The following GDA variants were observed in gnomAD, a reference collection of about 807,000 sequenced individuals.
GDA encodes the protein guanine deaminase, also known as cytoplasmic PSD-95 interactor.
GDA carries 18 observed loss-of-function variants against 59.6 expected under a neutral mutation model. That is an observed-to-expected ratio of 0.30 (90% CI 0.21 to 0.45). The LOEUF (loss-of-function observed/expected upper bound fraction) is 0.45. GDA is among the 20% of genes least tolerant of loss of function. The pLI is 1.00. For synonymous variants in GDA, 201 were observed against 201.1 expected (o/e 1.00, Z 0.00); for missense variants, 427 against 552.3 (o/e 0.77, Z 2.27).
At chr9:72,166,499 A>G (rs910953909) in intron 1 of GDA, among the ~76,000 whole-genome samples, 4 of 152,194 alleles carry the variant, frequency 2.6e-5, no homozygotes, top group African/African-American at 7.2e-5. Context: ...AACGTATTCT[A>G]CATTTCAAAG....
chr9:72,163,475 G>A (rs1828905255), intron 1 of GDA, among the ~76,000 whole-genome samples: 2 of 151,796 alleles, frequency 1.3e-5, no homozygotes, highest in African/African-American at 4.8e-5. Context: ...ATTGGTAAGT[G>A]ACAGTAACAG....
intron 1 of GDA, among the ~76,000 whole-genome samples, chr9:72,127,466 G>A: frequency 6.6e-6 from 1 of 151,888 alleles, no homozygotes; most frequent in East Asian, 1.9e-4. Context: ...GTGAAACCCT[G>A]TCTCTACTAA....
intron 1 of GDA, among the ~76,000 whole-genome samples, chr9:72,164,460 A>C (rs1829039064): frequency 6.6e-6 from 1 of 152,182 alleles, no homozygotes; most frequent in African/African-American, 2.4e-5. Context: ...AGAGGGTGGC[A>C]ATCAGCTTGG....
At chr9:72,242,408 T>G (rs1181436830) in intron 11 of GDA, among the ~76,000 whole-genome samples, 1 of 152,182 alleles carries the variant, frequency 6.6e-6, no homozygotes, top group African/African-American at 2.4e-5. Flanking sequence ...TTAAGTCACT[T>G]TAGAATTATA....
chr9:72,128,751 A>C (rs1308704238), intron 1 of GDA, among the ~76,000 whole-genome samples: 16 of 152,214 alleles, frequency 1.1e-4, no homozygotes, highest in Non-Finnish European at 7.3e-5. Flanking sequence ...GCAGGGCTTG[A>C]GCCTGATTCA....
In GDA at chr9:72,121,719, A is replaced by G. The variant is rs529804734; in HGVS notation, c.-100+6886A>G. ...CCTCATCATAGACAAACTTCCTGAA[A>G]GACTTGTATACACTTGCTATCTCCA... On this transcript the variant is annotated intron_variant, in intron 1 of 13. Coordinates refer to the GDA transcript ENST00000545168. Among the ~76,000 whole-genome samples the G allele has an allele frequency of 4.6e-5, 7 of 152,318 alleles. No individual in the cohort carries two copies. In the South Asian group the frequency reaches 8.3e-4, roughly 18 times the overall value.
chr9:72,150,871 C>G (rs1173644599), intron 1 of GDA, among the ~76,000 whole-genome samples: 2 of 152,072 alleles, frequency 1.3e-5, no homozygotes, highest in East Asian at 3.9e-4. Flanking sequence ...TCCGGTAAAC[C>G]CTGAGACTGA....
At chr9:72,144,921 T>G (rs1826571878), upstream of GDA, among the ~76,000 whole-genome samples, 1 of 151,750 alleles carries the variant, frequency 6.6e-6, no homozygotes, top group African/African-American at 2.4e-5. Flanking sequence ...CATAACAAGC[T>G]TGTCAGAGTT....
rs1461134797 is a variant in GDA at position 72,227,946 on chromosome 9, G to A, written c.826G>A (p.Val276Met). 5 of 1,586,860 alleles carry A rather than the reference G, an allele frequency of 3.2e-6. No homozygotes were observed. Among genetic ancestry groups the A allele is most frequent in the Non-Finnish European group, 4.3e-6 (5 of 1,156,198 alleles). Residue 276 changes from valine (V) to methionine (M), a missense_variant, in exon 9 of 14, where the codon GTG becomes ATG. Coordinates refer to ENST00000358399, the MANE Select transcript of GDA (RefSeq NM_004293.5). ...DKNNLLTNKT[V>M]MAHGCYLSAE... Reference sequence around the variant, plus strand: ...CGTAGGGCACTCTTCTCTCCAGACAGTGATGGCACACGGCTGCTACCTCTC... The same window carrying A: ...CGTAGGGCACTCTTCTCTCCAGACAATGATGGCACACGGCTGCTACCTCTC...
upstream of GDA, among the ~76,000 whole-genome samples, chr9:72,148,323 G>A (rs1354609738): frequency 6.9e-6 from 1 of 145,362 alleles, no homozygotes; most frequent in Non-Finnish European, 1.5e-5. Context: ...GTGTGTGTGT[G>A]TGTGTGTGTG....
intron 9 of GDA, 143 bp downstream of exon 9, chr9:72,228,183 C>T (rs1044921176): frequency 9.5e-6 from 6 of 633,254 alleles, no homozygotes; most frequent in Admixed American, 7.0e-5. Context: ...GACATTTACT[C>T]GTGCTGTTGA....
intron 1 of GDA, among the ~76,000 whole-genome samples, chr9:72,122,634 TACACAC>T (rs112045510): frequency 0.16 from 23,237 of 147,428 alleles, 2,263 homozygotes; most frequent in East Asian, 0.49. Context: ...TGTATACATT[TACACAC>T]ACACACACAC....
chr9:72,201,452 G>C (rs927828605), intron 2 of GDA, among the ~76,000 whole-genome samples: 2 of 152,132 alleles, frequency 1.3e-5, no homozygotes, highest in Admixed American at 6.5e-5. Context: ...AGGCTTTCTT[G>C]TAGTCAGACA....
intron 1 of GDA, among the ~76,000 whole-genome samples, chr9:72,133,302 A>ATAATAATAATAATAATAAT: frequency 7.3e-6 from 1 of 137,794 alleles, no homozygotes; most frequent in East Asian, 2.2e-4. Flanking sequence ...AAAAAAAAAA[A>ATAATAATAATAATAATAAT]AAAAAAAATA....
At chr9:72,123,809 C>T (rs1280404001) in intron 1 of GDA, among the ~76,000 whole-genome samples, 5 of 152,082 alleles carry the variant, frequency 3.3e-5, no homozygotes, top group Non-Finnish European at 5.9e-5. Flanking sequence ...ACTTGCTTTT[C>T]CCTGTGCTGT....
At chr9:72,126,967 A>C (rs1825870146) in intron 1 of GDA, among the ~76,000 whole-genome samples, 1 of 152,080 alleles carries the variant, frequency 6.6e-6, no homozygotes, top group Admixed American at 6.6e-5. Context: ...ACTAGCCGCG[A>C]TAGATCAGCT....
intron 1 of GDA, among the ~76,000 whole-genome samples, chr9:72,115,113 C>T (rs532249848): frequency 2.0e-5 from 3 of 152,240 alleles, no homozygotes; most frequent in East Asian, 1.9e-4. Flanking sequence ...TTATGACCTC[C>T]CAGTGCTGGT....
intron 11 of GDA, among the ~76,000 whole-genome samples, chr9:72,242,603 C>T (rs1319383249): frequency 2.0e-5 from 3 of 152,184 alleles, no homozygotes; most frequent in African/African-American, 7.2e-5. Flanking sequence ...CTCAGATGTT[C>T]TCTGAGTGTT....
chr9:72,186,086 A>G (rs967930865), intron 1 of GDA, among the ~76,000 whole-genome samples: 6 of 152,182 alleles, frequency 3.9e-5, no homozygotes, highest in African/African-American at 7.2e-5. Context: ...CATGGTGGGT[A>G]CCCACTAGAT....
Sources: gnomAD v4.1 joint callset for allele counts (sites outside exome capture counted in the v4.1 genomes callset) on GRCh38, gnomAD v4.1.1 for gene constraint, MANE v1.5 for transcripts, NCBI Gene and HGNC (gene_info 2026-07-23, HGNC 2026-07-21) for gene names.